The following EMSY variants were observed in gnomAD, a reference collection of about 807,000 sequenced individuals.
EMSY encodes EMSY transcriptional repressor, BRCA2 interacting.
In EMSY, 26 loss-of-function variants were observed where a neutral mutation model predicts 134.6. The ratio of observed to expected loss-of-function variants is 0.19; its 90% confidence interval spans 0.14 to 0.27. The LOEUF (loss-of-function observed/expected upper bound fraction) is 0.27, where lower values mean the gene tolerates loss of function less well. Ranked by LOEUF, EMSY falls within the 10% of genes least tolerant of loss-of-function variation. The probability of loss-of-function intolerance (pLI) is 1.00; values close to 1 mark genes in which losing one functional copy is unlikely to be tolerated. For synonymous variants in EMSY, 579 were observed against 577.8 expected (o/e 1.00, Z -0.03); for missense variants, 1,305 against 1,611.4 (o/e 0.81, Z 3.26).
chr11:76,447,091 G>A (rs1463260637), intron 2 of EMSY, 83 bp downstream of exon 2: 9 of 1,294,726 alleles, frequency 7.0e-6, no homozygotes, highest in Non-Finnish European at 9.9e-6. Flanking sequence ...TTGCATGGAT[G>A]TCATATCTCA....
At chr11:76,549,819 G>A in intron 20 of EMSY, 133 bp from the exon 22 acceptor site, 2 of 714,202 alleles carry the variant, frequency 2.8e-6, no homozygotes, top group Non-Finnish European at 4.6e-6. Context: ...CTTGCACAGT[G>A]CCTGGCATGT....
chr11:76,450,465 G>T (rs1947614173), intron 2 of EMSY, among the ~76,000 whole-genome samples: 1 of 151,498 alleles, frequency 6.6e-6, no homozygotes, highest in African/African-American at 2.4e-5. Context: ...TAAACTTAGG[G>T]TCATTTGGTT....
chr11:76,500,166 A>G (rs1485481981), intron 9 of EMSY, among the ~76,000 whole-genome samples: 1 of 151,928 alleles, frequency 6.6e-6, no homozygotes, highest in East Asian at 1.9e-4. Flanking sequence ...ATTACTCTAT[A>G]TTTGAAATAA....
chr11:76,464,916 G>T (rs558834255), intron 7 of EMSY, among the ~76,000 whole-genome samples: 80 of 152,188 alleles, frequency 5.3e-4, no homozygotes, highest in Non-Finnish European at 1.6e-4. Context: ...AGATGTTGTT[G>T]CTCTGTTGGC....
At chr11:76,480,603 G>C (rs1948934651) in intron 8 of EMSY, among the ~76,000 whole-genome samples, 1 of 152,156 alleles carries the variant, frequency 6.6e-6, no homozygotes, top group Admixed American at 6.5e-5. Flanking sequence ...ATATAAAAAT[G>C]CTTTCTTGGG....
chr11:76,535,142 C>A (rs950712627), intron 14 of EMSY, among the ~76,000 whole-genome samples: 2 of 152,080 alleles, frequency 1.3e-5, no homozygotes, highest in African/African-American at 4.8e-5. Flanking sequence ...TTATAAAGCT[C>A]ATTTCCATGT....
At chr11:76,541,720 A>G (rs559738329) in intron 17 of EMSY, among the ~76,000 whole-genome samples, 1 of 152,364 alleles carries the variant, frequency 6.6e-6, no homozygotes, top group East Asian at 1.9e-4. Context: ...ATCACTTAAT[A>G]CAAAGGAGTG....
exon 8 of EMSY, chr11:76,472,724 T>A (rs2135362935): frequency 6.2e-7 from 1 of 1,614,164 alleles, no homozygotes; most frequent in South Asian, 1.1e-5. Context: ...TCCTCTCTGG[T>A]CAGTAATAGC....
chr11:76,511,403 T>G (rs1474842947), intron 9 of EMSY, among the ~76,000 whole-genome samples: 1 of 152,226 alleles, frequency 6.6e-6, no homozygotes, highest in African/African-American at 2.4e-5. Flanking sequence ...ATATGTGCTT[T>G]AAGAATTACT....
chr11:76,496,148 A>G, intron 8 of EMSY, 67 bp from the exon 10 acceptor site: 2 of 1,491,986 alleles, frequency 1.3e-6, no homozygotes, highest in Non-Finnish European at 1.8e-6. Context: ...ATCTACTATA[A>G]TAACCAGAAG....
At chr11:76,514,885 T>TCTAA (rs1338772402) in intron 10 of EMSY, among the ~76,000 whole-genome samples, 2 of 152,108 alleles carry the variant, frequency 1.3e-5, no homozygotes, top group African/African-American at 4.8e-5. Flanking sequence ...ATAACAGTGT[T>TCTAA]ATGCATATAT....
chr11:76,497,660 TC>T (rs1949707787), intron 9 of EMSY, among the ~76,000 whole-genome samples: 1 of 152,164 alleles, frequency 6.6e-6, no homozygotes, highest in Non-Finnish European at 1.5e-5. Flanking sequence ...TCTTTACTAT[TC>T]TTTTAATGGC....
At chr11:76,508,790 G>A (rs962819325) in intron 9 of EMSY, among the ~76,000 whole-genome samples, 2 of 152,174 alleles carry the variant, frequency 1.3e-5, no homozygotes, top group Admixed American at 1.3e-4. Context: ...TTCTGTAGAT[G>A]GTTTCTTTCC....
In EMSY at chr11:76,542,105, A is replaced by G. The variant is rs1173034861; in HGVS notation, c.2558-111A>G. Reference sequence around the variant, plus strand: ...GGTCTTCTGCCTCCTAGTTCACAATACTACACTTTCTTTCTGTGATACAAG... The same window carrying G: ...GGTCTTCTGCCTCCTAGTTCACAATGCTACACTTTCTTTCTGTGATACAAG... On this transcript the variant is annotated intron_variant, in intron 17 of 20. Coordinates refer to ENST00000334736, the Ensembl canonical transcript of EMSY. 2.2e-6 allele frequency: 3 copies of G among 1,391,752 alleles called. No individual in the cohort carries two copies. In the African/African-American group the frequency reaches 4.3e-5, roughly 20 times the overall value. 86.2% of individuals were successfully genotyped at this position (1,391,752 alleles called of 1,614,324 possible). A position where few individuals can be genotyped will look rare whatever the true frequency, so the allele number is the denominator to read the frequency against.
At chr11:76,526,745 T>A in intron 13 of EMSY, 110 bp downstream of exon 14, 1 of 1,086,780 alleles carries the variant, frequency 9.2e-7, no homozygotes. Flanking sequence ...GAAATCAGAT[T>A]GTTAAAAGTT....
intron 18 of EMSY, among the ~76,000 whole-genome samples, chr11:76,542,753 G>GTTTTTTT (rs1555077830): frequency 5.3e-4 from 58 of 109,076 alleles, no homozygotes; most frequent in Non-Finnish European, 6.8e-4. Flanking sequence ...TTCGTTTTTT[G>GTTTTTTT]TTTTTTTTTT....
At chr11:76,466,934 A>G (rs562931529) in intron 7 of EMSY, among the ~76,000 whole-genome samples, 2 of 152,228 alleles carry the variant, frequency 1.3e-5, no homozygotes, top group Non-Finnish European at 2.9e-5. Flanking sequence ...AACATAAGGT[A>G]TGTATTCAAC....
chr11:76,459,906 C>T (rs2135061026), intron 5 of EMSY, 27 bp from the exon 7 acceptor site: 2 of 1,604,910 alleles, frequency 1.2e-6, no homozygotes, highest in African/African-American at 1.3e-5. Flanking sequence ...TGAAAGTTAA[C>T]AGCAAACTTT....
chr11:76,545,804 A>G (rs1951624156), exon 20 of EMSY: 1 of 1,600,204 alleles, frequency 6.2e-7, no homozygotes, highest in South Asian at 1.1e-5. Context: ...CAGGTGGAGC[A>G]GCCAATTATA....
Sources: allele counts gnomAD v4.1 joint callset (sites outside exome capture counted in the v4.1 genomes callset), GRCh38; gene constraint gnomAD v4.1.1; transcripts MANE v1.5; gene names NCBI Gene and HGNC (gene_info 2026-07-23, HGNC 2026-07-21).